Variants in PKNOX2 observed in about 807,000 individuals in gnomAD.
The protein encoded by PKNOX2 is PBX/knotted 1 homeobox 2, also known as homeobox protein PKNOX2.
Under a neutral mutation model 53.1 loss-of-function variants are expected in PKNOX2, and 14 were observed. The observed-to-expected ratio is 0.26, with a 90% CI of 0.17 to 0.41. PKNOX2 has a LOEUF of 0.41. Ranked by LOEUF, PKNOX2 falls within the 10% of genes least tolerant of loss-of-function variation. The pLI is 1.00. For missense variants in PKNOX2, 496 were observed against 602.8 expected, an observed-to-expected ratio of 0.82 and a Z score of 1.85; for synonymous variants, 257 against 242.8, an observed-to-expected ratio of 1.06 and a Z score of -0.54.
intron 2 of PKNOX2, among the ~76,000 whole-genome samples, chr11:125,312,960 C>T (rs999482197): frequency 1.3e-5 from 2 of 152,258 alleles, no homozygotes; most frequent in Admixed American, 6.5e-5. Context: ...GGAAGGCCTT[C>T]GCTCGCATGC....
chr11:125,244,371 G>A (rs1943400735), intron 2 of PKNOX2, among the ~76,000 whole-genome samples: 1 of 152,174 alleles, frequency 6.6e-6, no homozygotes, highest in African/African-American at 2.4e-5. Context: ...GAGGTGAGCA[G>A]TTCTCCACCT....
At chr11:125,420,266 G>A (rs1268615480) in intron 10 of PKNOX2, among the ~76,000 whole-genome samples, 5 of 149,874 alleles carry the variant, frequency 3.3e-5, no homozygotes, top group South Asian at 2.1e-4. Context: ...GGTGGCTCAC[G>A]CCTTTAATCC....
intron 2 of PKNOX2, among the ~76,000 whole-genome samples, chr11:125,265,135 A>C (rs1436727168): frequency 6.6e-6 from 1 of 151,982 alleles, no homozygotes; most frequent in Non-Finnish European, 1.5e-5. Flanking sequence ...AAAAATACAA[A>C]AATTAGCCAG....
chr11:125,203,427 C>T (rs1316813160), intron 1 of PKNOX2, among the ~76,000 whole-genome samples: 1 of 152,196 alleles, frequency 6.6e-6, no homozygotes, highest in African/African-American at 2.4e-5. Context: ...TTTAACTTGC[C>T]TTGTCTGGAC....
At chr11:125,395,086 G>T (rs563061294) in intron 6 of PKNOX2, among the ~76,000 whole-genome samples, 1 of 152,018 alleles carries the variant, frequency 6.6e-6, no homozygotes, top group African/African-American at 2.4e-5. Context: ...CCACTCTACC[G>T]CTGTCAACCA....
intron 3 of PKNOX2, among the ~76,000 whole-genome samples, chr11:125,341,067 A>G: frequency 6.7e-6 from 1 of 150,230 alleles, no homozygotes. Flanking sequence ...AAAAAAAAAA[A>G]AAAAAGTAAG....
intron 2 of PKNOX2, among the ~76,000 whole-genome samples, chr11:125,296,419 C>T (rs917713260): frequency 9.9e-5 from 15 of 152,222 alleles, no homozygotes; most frequent in African/African-American, 3.6e-4. Flanking sequence ...ACACATGATC[C>T]CGCCTGGGAC....
chr11:125,228,801 G>T (rs192713806), intron 1 of PKNOX2, among the ~76,000 whole-genome samples: 77 of 152,260 alleles, frequency 5.1e-4, no homozygotes, highest in Non-Finnish European at 9.6e-4. Context: ...TTTATTGCTG[G>T]TCTGATGGCC....
At chr11:125,386,754 T>G in intron 6 of PKNOX2, among the ~76,000 whole-genome samples, 1 of 100,112 alleles carries the variant, frequency 1.0e-5, no homozygotes, top group East Asian at 3.2e-4. Flanking sequence ...ACACACACAC[T>G]GCATCTGCAG....
rs78661473 is a variant in PKNOX2, at chr11:125,214,143, G to C, written c.-200-20902G>C. 1.2e-4 allele frequency among the ~76,000 whole-genome samples: 19 copies of C among 152,216 alleles called. No homozygotes were observed. The East Asian group carries it at 3.5e-3, about 28-fold the overall frequency. ...ATCATGGGGAATCAAACTCAGTTCT[G>C]CCTGGCCCTAATGTCTACGCTGTGC... is the stretch of plus-strand genomic sequence containing the variant. On this transcript the variant is annotated intron_variant, in intron 1 of 12. Transcript: ENST00000298282.
intron 4 of PKNOX2, among the ~76,000 whole-genome samples, chr11:125,356,547 C>T (rs1194381843): frequency 6.6e-6 from 1 of 152,212 alleles, no homozygotes; most frequent in Non-Finnish European, 1.5e-5. Context: ...TCCAGCATCC[C>T]TCAGAGTGGG....
chr11:125,202,725 G>C (rs1000247523), intron 1 of PKNOX2, among the ~76,000 whole-genome samples: 1 of 152,118 alleles, frequency 6.6e-6, no homozygotes, highest in African/African-American at 2.4e-5. Context: ...TGGGTTGGGG[G>C]GGAGGGGTGA....
In PKNOX2 at chr11:125,422,482, C is replaced by T. The variant is rs1034348065; in HGVS notation, c.937-6530C>T. ...CTCCCCAGGAGTGATGTTTGACTGTCGGAGGCATCCCCTGGTGTAGCGCTG... is the reference window on the plus strand; with the variant it reads ...CTCCCCAGGAGTGATGTTTGACTGTTGGAGGCATCCCCTGGTGTAGCGCTG... On this transcript the variant is annotated intron_variant, in intron 10 of 12. Coordinates refer to ENST00000298282, the MANE Select transcript of PKNOX2 (RefSeq NM_001382323.2). The surrounding 1 kb of genome is among the most constrained non-coding windows in gnomAD (Gnocchi z 4.1). Among the ~76,000 whole-genome samples, 5 of 152,132 alleles carry T rather than the reference C, an allele frequency of 3.3e-5. No individual in the cohort carries two copies. Among genetic ancestry groups the T allele is most frequent in the Non-Finnish European group, 7.4e-5 (5 of 68,006 alleles).
At chr11:125,304,909 T>C (rs762942479) in intron 2 of PKNOX2, among the ~76,000 whole-genome samples, 6 of 152,202 alleles carry the variant, frequency 3.9e-5, no homozygotes, top group Non-Finnish European at 5.9e-5. Context: ...ATAAGTAAAC[T>C]GTTGAGGGTG....
chr11:125,429,190 C>G, intron 11 of PKNOX2, 102 bp downstream of exon 11: 4 of 1,171,598 alleles, frequency 3.4e-6, no homozygotes, highest in Non-Finnish European at 5.0e-6. Flanking sequence ...CAGGATCTGC[C>G]TCAATCTCAG....
intron 2 of PKNOX2, among the ~76,000 whole-genome samples, chr11:125,305,992 G>C (rs1948425222): frequency 6.6e-6 from 1 of 152,090 alleles, no homozygotes; most frequent in Non-Finnish European, 1.5e-5. Flanking sequence ...TCCCCAGATT[G>C]TGTTTTTCCT....
intron 5 of PKNOX2, among the ~76,000 whole-genome samples, chr11:125,375,946 A>C (rs190471396): frequency 6.6e-6 from 1 of 152,328 alleles, no homozygotes; most frequent in East Asian, 1.9e-4. Flanking sequence ...TCACTGCCAG[A>C]GTCACCTCGC....
chr11:125,380,378 C>T (rs73027813), intron 5 of PKNOX2, among the ~76,000 whole-genome samples: 6 of 150,172 alleles, frequency 4.0e-5, no homozygotes, highest in East Asian at 4.0e-4. Flanking sequence ...AAATTTTGAA[C>T]GGCTTAAGAG....
chr11:125,323,339 T>C (rs1949637778), intron 2 of PKNOX2, among the ~76,000 whole-genome samples: 1 of 152,238 alleles, frequency 6.6e-6, no homozygotes, highest in Admixed American at 6.5e-5. Flanking sequence ...CTTTTTACCA[T>C]GCCTTCCACT....
Sources: allele counts gnomAD v4.1 joint callset (sites outside exome capture counted in the v4.1 genomes callset), GRCh38; gene constraint gnomAD v4.1.1; non-coding constraint Gnocchi (gnomAD v3.1); transcripts MANE v1.5; gene names NCBI Gene and HGNC (gene_info 2026-07-23, HGNC 2026-07-21).